The following RTL4 variants were observed in gnomAD, a reference collection of about 807,000 sequenced individuals.
RTL4 encodes the protein retrotransposon Gag-like protein 4.
RTL4 carries 4 observed loss-of-function variants against 5.3 expected under a neutral mutation model. The ratio of observed to expected loss-of-function variants is 0.75; its 90% confidence interval spans 0.37 to 1.72. The LOEUF (loss-of-function observed/expected upper bound fraction) is 1.72. RTL4 is among the 40% of genes most tolerant of loss of function. The pLI is 0.04. For synonymous variants in RTL4, 98 were observed against 87.3 expected, an observed-to-expected ratio of 1.12 and a Z score of -0.68; for missense variants, 260 against 227.1, an observed-to-expected ratio of 1.14 and a Z score of -0.93.
At chrX:112,328,385 C>G in the RTL4 span, among the ~76,000 whole-genome samples, 327 of 110,865 alleles carry the variant, frequency 2.9e-3, 1 homozygote, top group Non-Finnish European at 4.7e-3. Flanking sequence ...AGACTTTAAA[C>G]CAACAAAGAT....
the RTL4 span, among the ~76,000 whole-genome samples, chrX:112,168,091 T>C: frequency 2.7e-5 from 3 of 111,517 alleles, no homozygotes; most frequent in East Asian, 8.5e-4. Context: ...GTGCCTCTAA[T>C]ATGCAAGCTG....
chrX:112,205,518 C>T, the RTL4 span, among the ~76,000 whole-genome samples: 1 of 111,247 alleles, frequency 9.0e-6, no homozygotes. Flanking sequence ...GTAAATGCCG[C>T]TTGATTGATC....
the RTL4 span, among the ~76,000 whole-genome samples, chrX:112,272,142 G>T: frequency 8.9e-6 from 1 of 111,842 alleles, no homozygotes; most frequent in Non-Finnish European, 1.9e-5. Flanking sequence ...TATCCTGCGT[G>T]CATAACTGAA....
At chrX:112,455,396 C>G (rs779788840) in exon 1 of RTL4, 6 of 1,209,300 alleles carry the variant, frequency 5.0e-6, no homozygotes, top group Non-Finnish European at 6.7e-6. Context: ...AGTGACAGGC[C>G]AGAGCTCCTA....
chrX:112,091,440 A>C, the RTL4 span, among the ~76,000 whole-genome samples: 1 of 111,751 alleles, frequency 8.9e-6, no homozygotes, highest in East Asian at 2.8e-4. Context: ...TTGAATTTTC[A>C]TCTTCATTCT....
the RTL4 span, among the ~76,000 whole-genome samples, chrX:112,368,381 G>A: frequency 9.9e-3 from 1,105 of 111,742 alleles, 9 homozygotes; most frequent in Non-Finnish European, 0.017. Flanking sequence ...AATAGATGAC[G>A]GTAGTGCCAT....
the RTL4 span, among the ~76,000 whole-genome samples, chrX:112,390,412 A>G: frequency 9.5e-6 from 1 of 104,892 alleles, no homozygotes; most frequent in South Asian, 4.4e-4. Flanking sequence ...GGATCATGCC[A>G]CTGCAGTCCA....
At chrX:112,179,384 C>A in the RTL4 span, among the ~76,000 whole-genome samples, 4 of 110,140 alleles carry the variant, frequency 3.6e-5, no homozygotes, top group African/African-American at 6.6e-5. Flanking sequence ...GAAAAAAAAA[C>A]CAAGTAGTTT....
chrX:112,327,553 G>A, the RTL4 span, among the ~76,000 whole-genome samples: 3 of 109,563 alleles, frequency 2.7e-5, no homozygotes, highest in Non-Finnish European at 3.8e-5. Context: ...AAGTGACGGG[G>A]AGAATGGAAC....
chrX:112,412,324 T>C, the RTL4 span, among the ~76,000 whole-genome samples: 1 of 111,433 alleles, frequency 9.0e-6, no homozygotes, highest in African/African-American at 3.3e-5. Context: ...AAAATAACAA[T>C]GATATTCTTC....
chrX:112,203,758 G>A, the RTL4 span, among the ~76,000 whole-genome samples: 1 of 111,976 alleles, frequency 8.9e-6, no homozygotes, highest in African/African-American at 3.2e-5. Context: ...GACTTCCCAT[G>A]TACATTTTAG....
chrX:112,346,634 T>C, the RTL4 span, among the ~76,000 whole-genome samples: 5 of 110,907 alleles, frequency 4.5e-5, no homozygotes, highest in African/African-American at 1.6e-4. Flanking sequence ...CAGATACCAT[T>C]TGGCAATCAC....
the RTL4 span, among the ~76,000 whole-genome samples, chrX:112,141,863 A>C: frequency 1.8e-5 from 2 of 112,292 alleles, no homozygotes; most frequent in Admixed American, 9.5e-5. Context: ...GGAAATTGGT[A>C]GTTGATGTCT....
At chrX:112,091,790 A>G in the RTL4 span, among the ~76,000 whole-genome samples, 5 of 110,511 alleles carry the variant, frequency 4.5e-5, no homozygotes, top group South Asian at 3.8e-4. Flanking sequence ...TTTCTTAATG[A>G]TTTTCTGTCT....
At chrX:112,301,149 A>T in the RTL4 span, among the ~76,000 whole-genome samples, 1 of 111,822 alleles carries the variant, frequency 8.9e-6, no homozygotes, top group Non-Finnish European at 1.9e-5. Context: ...CATCAATAAG[A>T]TCTTCTGTTC....
At chrX:112,211,893 G>T in the RTL4 span, among the ~76,000 whole-genome samples, 1 of 111,924 alleles carries the variant, frequency 8.9e-6, no homozygotes, top group African/African-American at 3.2e-5. Context: ...AATACAAATT[G>T]TGGGAATTGC....
chrX:112,109,622 A>G, the RTL4 span, among the ~76,000 whole-genome samples: 2 of 111,663 alleles, frequency 1.8e-5, no homozygotes, highest in Non-Finnish European at 3.8e-5. Context: ...CTAGCTACAG[A>G]GGGCTGGTTG....
At chrX:112,206,607 G>C in the RTL4 span, among the ~76,000 whole-genome samples, 1 of 110,185 alleles carries the variant, frequency 9.1e-6, no homozygotes, top group African/African-American at 3.3e-5. Context: ...GGTTCCTCAG[G>C]GCTTCATTGT....
At chrX:112,406,088 A>G in the RTL4 span, among the ~76,000 whole-genome samples, 1 of 111,513 alleles carries the variant, frequency 9.0e-6, no homozygotes, top group East Asian at 2.8e-4. Flanking sequence ...AGTTCCTGTA[A>G]CACTTGCCAC....
Sources: gnomAD v4.1 joint callset for allele counts (sites outside exome capture counted in the v4.1 genomes callset) on GRCh38, gnomAD v4.1.1 for gene constraint, MANE v1.5 for transcripts, NCBI Gene and HGNC (gene_info 2026-07-23, HGNC 2026-07-21) for gene names.